Variants in NSF observed in about 807,000 individuals in gnomAD.
The protein encoded by NSF is vesicle-fusing ATPase.
In NSF, 14 loss-of-function variants were observed where a neutral mutation model predicts 50.3. The ratio of observed to expected loss-of-function variants is 0.28; its 90% CI spans 0.18 to 0.44. The LOEUF (loss-of-function observed/expected upper bound fraction) is 0.44, where lower values mean the gene tolerates loss of function less well. Ranked by LOEUF, NSF falls within the 20% of genes least tolerant of loss-of-function variation. The pLI is 1.00. For synonymous variants in NSF, 109 were observed against 175.7 expected, an observed-to-expected ratio of 0.62 and a Z score of 3.00; for missense variants, 218 against 504.3, an observed-to-expected ratio of 0.43 and a Z score of 5.44.
intron 15 of NSF, among the ~76,000 whole-genome samples, chr17:46,716,547 G>A (rs765013098): frequency 5.3e-5 from 8 of 152,122 alleles, no homozygotes; most frequent in Admixed American, 2.6e-4. Flanking sequence ...ATGAGCCACC[G>A]CGCCCGGCCT....
chr17:46,741,037 G>C (rs966031943), intron 17 of NSF, among the ~76,000 whole-genome samples: 15 of 152,296 alleles, frequency 9.8e-5, no homozygotes, highest in African/African-American at 2.6e-4. Context: ...TGTGGGGGCA[G>C]GGGCAAGAGT....
At chr17:46,606,179 C>CA (rs56822783) in intron 1 of NSF, among the ~76,000 whole-genome samples, 88 of 2,884 alleles carry the variant, frequency 0.031, 1 homozygote, top group African/African-American at 0.17. Context: ...AACTCCGTCT[C>CA]AAAAAAAAAA....
chr17:46,710,887 G>A (rs78850923), intron 13 of NSF, 76 bp from the exon 14 acceptor site: 1,319,101 of 1,327,242 alleles, frequency 0.99, 655,743 homozygotes, highest in East Asian at 1. Flanking sequence ...AGCATGTACG[G>A]ATTATAACTC....
At chr17:46,721,788 C>A (rs1403557508) in intron 15 of NSF, 9 of 1,601,752 alleles carry the variant, frequency 5.6e-6, no homozygotes, top group Non-Finnish European at 6.8e-6. Context: ...AGGAAGGCAT[C>A]GTGCACAGCT....
intron 1 of NSF, among the ~76,000 whole-genome samples, chr17:46,610,255 C>T (rs1423304088): frequency 3.3e-4 from 29 of 87,426 alleles, no homozygotes; most frequent in African/African-American, 1.2e-3. Context: ...TTTCAGCCAC[C>T]GCACCCAGCC....
At chr17:46,732,338 C>T (rs557958322) in intron 17 of NSF, among the ~76,000 whole-genome samples, 1 of 152,176 alleles carries the variant, frequency 6.6e-6, no homozygotes, top group African/African-American at 2.4e-5. Context: ...ATTCTCTTTT[C>T]TCCTTCCACC....
rs149807536 is a variant in NSF at position 46,742,785 on chromosome 17, C to T, written c.1909-6988C>T. Among the ~76,000 whole-genome samples, 16 of 152,230 alleles carry T rather than the reference C, an allele frequency of 1.1e-4. No homozygotes were observed. The East Asian group carries it at 1.5e-3, about 15-fold the overall frequency. ...ATGGATGATACGTGGTTTCTACCAT[C>T]GGGGAGTTGACAGGCTAGAAACAAG... is the stretch of plus-strand genomic sequence containing the variant. On this transcript the variant is annotated intron_variant, in intron 17 of 20. Transcript: ENST00000398238.
At chr17:46,678,425 G>A (rs910975575) in intron 9 of NSF, among the ~76,000 whole-genome samples, 9 of 140,066 alleles carry the variant, frequency 6.4e-5, no homozygotes, top group African/African-American at 1.1e-4. Context: ...GAGAATTAGT[G>A]TACTGAAAGA....
In NSF at chr17:46,755,327, A is replaced by ACCG; in HGVS notation, c.2172_2174dup (p.Arg725dup). The ACCG allele has an allele frequency of 6.2e-7, 1 of 1,613,550 alleles. No individual in the cohort carries two copies. The highest frequency in any genetic ancestry group is 1.1e-5 in the South Asian group (1 of 91,066). On this transcript the variant is annotated inframe_insertion, in exon 20 of 21. Transcript: ENST00000398238. ...TGATGTATTTAGATGGATCCTGAAT[A>ACCG]CCGTGTGAGAAAATTCTTGGCCCTC...
chr17:46,739,547 A>C (rs2059047793), intron 17 of NSF, among the ~76,000 whole-genome samples: 1 of 151,870 alleles, frequency 6.6e-6, no homozygotes, highest in Non-Finnish European at 1.5e-5. Context: ...CTCGAAAAAA[A>C]CACAAAAACA....
At chr17:46,742,484 A>C (rs1191347056) in intron 17 of NSF, among the ~76,000 whole-genome samples, 1 of 152,262 alleles carries the variant, frequency 6.6e-6, no homozygotes, top group Non-Finnish European at 1.5e-5. Flanking sequence ...GTCCTGATGA[A>C]GGAGAACTAG....
intron 14 of NSF, 21 bp downstream of exon 14, chr17:46,711,140 G>A (rs2058715623): frequency 1.4e-6 from 2 of 1,471,326 alleles, no homozygotes; most frequent in Non-Finnish European, 1.8e-6. Context: ...ATGAGGAGAT[G>A]GCATTAAAAG....
intron 19 of NSF, among the ~76,000 whole-genome samples, chr17:46,754,149 C>CT (rs71363599): frequency 0.84 from 112,129 of 134,002 alleles, 46,789 homozygotes; most frequent in East Asian, 0.96. Context: ...CCAGCCAGTT[C>CT]TTTTTTTTTT....
chr17:46,749,766 T>C lies in NSF; in HGVS notation c.1909-7T>C, dbSNP rs2146338073. 1 of 1,610,870 alleles carries C rather than the reference T, an allele frequency of 6.2e-7. No individual in the cohort carries two copies. Among genetic ancestry groups the C allele is most frequent in the Non-Finnish European group, 8.5e-7 (1 of 1,177,958 alleles). On this transcript the variant is annotated splice_polypyrimidine_tract_variant and splice_region_variant and intron_variant, in intron 17 of 20. Transcript: ENST00000398238. ...TACATTTTAACACATTTTCTCCCTA[T>C]GATCAGGGCCGCAAGCTTCTTATCA...
chr17:46,735,995 G>A (rs2059000130), intron 17 of NSF, among the ~76,000 whole-genome samples: 1 of 152,130 alleles, frequency 6.6e-6, no homozygotes. Context: ...CAGCTTGTAA[G>A]ATAGGAAAAC....
intron 17 of NSF, among the ~76,000 whole-genome samples, chr17:46,746,503 C>G (rs2059130607): frequency 6.6e-6 from 1 of 152,010 alleles, no homozygotes; most frequent in Non-Finnish European, 1.5e-5. Context: ...TCCCGATAGC[C>G]CATTTATTTT....
chr17:46,742,862 TC>T (rs1201169593), intron 17 of NSF, among the ~76,000 whole-genome samples: 1 of 152,216 alleles, frequency 6.6e-6, no homozygotes, highest in Non-Finnish European at 1.5e-5. Context: ...GTAGAATTTT[TC>T]TAAGGGTCTC....
rs1004018330 is a variant in NSF at position 46,751,404 on chromosome 17, G to A, written c.2044-99G>A. ...AGAATTCTATCAACTTGAACAGTTA[G>A]GTAGTTCTTATCACTCTTCTTTTAA... On this transcript the variant is annotated intron_variant, in intron 18 of 20. Transcript: ENST00000398238. The A allele has an allele frequency of 6.1e-6, 5 of 822,268 alleles. No individual in the cohort carries two copies. The African/African-American group carries it at 8.4e-5, about 14-fold the overall frequency. The allele number at this position is 822,268 out of a possible 1,614,324, so 50.9% of individuals were successfully genotyped here. A position where few individuals can be genotyped will look rare whatever the true frequency, so the allele number is the denominator to read the frequency against.
chr17:46,755,185 A>C, intron 19 of NSF, 129 bp from the exon 20 acceptor site: 1 of 681,074 alleles, frequency 1.5e-6, no homozygotes, highest in South Asian at 1.7e-5. Context: ...GTCAAGGAGC[A>C]GGTAACACAT....
Sources: allele counts gnomAD v4.1 joint callset (sites outside exome capture counted in the v4.1 genomes callset), GRCh38; gene constraint gnomAD v4.1.1; transcripts MANE v1.5; gene names NCBI Gene and HGNC (gene_info 2026-07-23, HGNC 2026-07-21).